The following NFIB variants were observed in gnomAD, a reference collection of about 807,000 sequenced individuals.
NFIB encodes nuclear factor I B, also known as nuclear factor 1 B-type.
NFIB carries 11 observed loss-of-function variants against 61.5 expected under a neutral mutation model. The ratio of observed to expected loss-of-function variants is 0.18; its 90% CI spans 0.11 to 0.30. The LOEUF (loss-of-function observed/expected upper bound fraction) is 0.30, where lower values mean the gene tolerates loss of function less well. NFIB is among the 10% of genes least tolerant of loss of function. The probability of loss-of-function intolerance (pLI) is 1.00; values close to 1 mark genes in which losing one functional copy is unlikely to be tolerated. For synonymous variants in NFIB, 260 were observed against 216.5 expected (o/e 1.20, Z -1.76); for missense variants, 471 against 608.9 (o/e 0.77, Z 2.38).
chr9:14,467,709 A>G, the NFIB span, among the ~76,000 whole-genome samples: 1 of 152,240 alleles, frequency 6.6e-6, no homozygotes, highest in Non-Finnish European at 1.5e-5. Flanking sequence ...TCAAACACCT[A>G]CCATAGGCCA....
At chr9:14,397,095 C>G (rs993294515) in intron 1 of NFIB, among the ~76,000 whole-genome samples, 1 of 152,150 alleles carries the variant, frequency 6.6e-6, no homozygotes, top group African/African-American at 2.4e-5. Context: ...GTCCAATTCT[C>G]TCTCTCTCTT....
At chr9:14,250,101 C>A (rs2055415885) in intron 2 of NFIB, among the ~76,000 whole-genome samples, 1 of 152,104 alleles carries the variant, frequency 6.6e-6, no homozygotes, top group Admixed American at 6.5e-5. Flanking sequence ...TACAAATTTG[C>A]CCTTAACTGA....
chr9:14,442,369 G>A, the NFIB span, among the ~76,000 whole-genome samples: 2 of 152,142 alleles, frequency 1.3e-5, no homozygotes, highest in South Asian at 4.1e-4. Flanking sequence ...ACAAGGGGTC[G>A]TTGAGAGGAT....
At chr9:14,341,507 G>A (rs377031932) in intron 1 of NFIB, among the ~76,000 whole-genome samples, 68 of 152,266 alleles carry the variant, frequency 4.5e-4, no homozygotes, top group African/African-American at 1.3e-3. Context: ...AGAAGGATCA[G>A]AAGTGCTGGG....
chr9:14,496,450 G>C, the NFIB span, among the ~76,000 whole-genome samples: 1 of 152,102 alleles, frequency 6.6e-6, no homozygotes, highest in Non-Finnish European at 1.5e-5. Context: ...GGAGCATTTT[G>C]GATTTCAGAT....
At chr9:14,099,966 G>A (rs753115315) in intron 10 of NFIB, among the ~76,000 whole-genome samples, 1 of 152,144 alleles carries the variant, frequency 6.6e-6, no homozygotes, top group Non-Finnish European at 1.5e-5. Flanking sequence ...CAGCTACTCT[G>A]GTAGCTGAGG....
At chr9:14,414,207 G>T in the NFIB span, among the ~76,000 whole-genome samples, 1 of 152,092 alleles carries the variant, frequency 6.6e-6, no homozygotes, top group Non-Finnish European at 1.5e-5. Context: ...GGAGGCCAAG[G>T]TGGGCAGATT....
chr9:14,356,582 G>A (rs1339022741), intron 1 of NFIB, among the ~76,000 whole-genome samples: 1 of 152,058 alleles, frequency 6.6e-6, no homozygotes, highest in African/African-American at 2.4e-5. Flanking sequence ...AACAGTGAGA[G>A]CAGGACTGAT....
the NFIB span, among the ~76,000 whole-genome samples, chr9:14,407,738 G>C: frequency 6.6e-6 from 1 of 152,116 alleles, no homozygotes; most frequent in African/African-American, 2.4e-5. Context: ...CCAGGCTGGA[G>C]TGTGGTGGTA....
chr9:14,380,158 A>G (rs887804653), intron 1 of NFIB, among the ~76,000 whole-genome samples: 1 of 152,170 alleles, frequency 6.6e-6, no homozygotes, highest in African/African-American at 2.4e-5. Context: ...CTGCTACTAC[A>G]AGTTAGTGGA....
intron 1 of NFIB, among the ~76,000 whole-genome samples, chr9:14,381,624 A>C (rs1417977406): frequency 6.6e-6 from 1 of 152,234 alleles, no homozygotes. Flanking sequence ...TCATTTTGTG[A>C]CTAAGAGCAA....
the NFIB span, among the ~76,000 whole-genome samples, chr9:14,430,235 T>G: frequency 6.6e-6 from 1 of 152,254 alleles, no homozygotes; most frequent in South Asian, 2.1e-4. Context: ...TGGGTAAAAT[T>G]TTTTTTGCTT....
At chr9:14,320,072 T>C (rs1049309998) in intron 1 of NFIB, among the ~76,000 whole-genome samples, 6 of 152,186 alleles carry the variant, frequency 3.9e-5, no homozygotes, top group Non-Finnish European at 7.3e-5. Context: ...GTTCATGACA[T>C]CACATTCACT....
intron 2 of NFIB, among the ~76,000 whole-genome samples, chr9:14,279,139 C>A (rs999723137): frequency 4.6e-5 from 7 of 152,064 alleles, no homozygotes; most frequent in African/African-American, 1.7e-4. Flanking sequence ...AAAATTTATC[C>A]TCAGGAGTGA....
At chr9:14,223,116 C>G (rs10961429) in intron 2 of NFIB, among the ~76,000 whole-genome samples, 128,971 of 152,198 alleles carry the variant, frequency 0.85, 54,860 homozygotes, top group African/African-American at 0.92. Context: ...TTATGAATTT[C>G]TGTTGAGCTG....
the NFIB span, among the ~76,000 whole-genome samples, chr9:14,492,341 T>C: frequency 2.6e-5 from 4 of 151,032 alleles, no homozygotes; most frequent in South Asian, 2.1e-4. Context: ...CCAGCCTGGG[T>C]GACAGAGTGA....
chr9:14,248,053 C>T (rs1280849870), intron 2 of NFIB, among the ~76,000 whole-genome samples: 1 of 151,546 alleles, frequency 6.6e-6, no homozygotes, highest in African/African-American at 2.4e-5. Context: ...CTGCCTCAGT[C>T]TCCTGAGTAG....
chr9:14,499,082 G>A, the NFIB span, among the ~76,000 whole-genome samples: 1 of 152,008 alleles, frequency 6.6e-6, no homozygotes, highest in Non-Finnish European at 1.5e-5. Flanking sequence ...GTGTGTTTGT[G>A]TGTGTGTGAG....
chr9:14,184,836 C>A (rs1163866721), intron 2 of NFIB, among the ~76,000 whole-genome samples: 1 of 152,056 alleles, frequency 6.6e-6, no homozygotes, highest in African/African-American at 2.4e-5. Context: ...GCCTGGCCAA[C>A]GTGGTGAAAC....
Sources: allele counts gnomAD v4.1 joint callset (sites outside exome capture counted in the v4.1 genomes callset), GRCh38; gene constraint gnomAD v4.1.1; transcripts MANE v1.5; gene names NCBI Gene and HGNC (gene_info 2026-07-23, HGNC 2026-07-21).